LDB2: variants seen among roughly 807,000 people sequenced by gnomAD.
LDB2 encodes LIM domain-binding protein 2.
A neutral mutation model predicts 44.3 loss-of-function variants in LDB2; 12 were observed. That is an observed-to-expected ratio of 0.27 (90% CI 0.17 to 0.44). LDB2 has a LOEUF of 0.44. Among genes scored for constraint, LDB2 ranks in the 20% least tolerant of loss-of-function variants. The pLI, the probability that LDB2 is intolerant of heterozygous loss-of-function variation, is 1.00. For synonymous variants in LDB2, 164 were observed against 174.8 expected, an observed-to-expected ratio of 0.94 and a Z score of 0.49; for missense variants, 344 against 473.5, an observed-to-expected ratio of 0.73 and a Z score of 2.54.
intron 1 of LDB2, among the ~76,000 whole-genome samples, chr4:16,852,335 C>T (rs1788438820): frequency 6.6e-6 from 1 of 152,164 alleles, no homozygotes; most frequent in South Asian, 2.1e-4. Flanking sequence ...GTGTAAATCA[C>T]ACAGCGTCAG....
At chr4:16,524,155 A>T (rs1727318430) in intron 5 of LDB2, among the ~76,000 whole-genome samples, 1 of 152,218 alleles carries the variant, frequency 6.6e-6, no homozygotes, top group African/African-American at 2.4e-5. Flanking sequence ...AACCTGGGGC[A>T]CATTATTCAA....
chr4:16,649,282 G>T (rs1737616690), intron 2 of LDB2, among the ~76,000 whole-genome samples: 1 of 152,194 alleles, frequency 6.6e-6, no homozygotes. Context: ...ATGATGATGT[G>T]CATATGTTTG....
intron 5 of LDB2, among the ~76,000 whole-genome samples, chr4:16,562,519 C>T (rs1742773203): frequency 2.0e-5 from 3 of 152,174 alleles, no homozygotes; most frequent in South Asian, 2.1e-4. Context: ...CAATGAGATA[C>T]CATCTCACAC....
chr4:16,505,452 T>G (rs1258926653), intron 7 of LDB2, among the ~76,000 whole-genome samples: 1 of 152,096 alleles, frequency 6.6e-6, no homozygotes, highest in East Asian at 1.9e-4. Flanking sequence ...TAAGGCCACT[T>G]AAAAATTTAT....
chr4:16,598,595 T>C (rs1448417859), intron 2 of LDB2, among the ~76,000 whole-genome samples: 2 of 152,110 alleles, frequency 1.3e-5, no homozygotes, highest in Admixed American at 1.3e-4. Context: ...TGTTGAGGTG[T>C]TTTTTTAATG....
intron 5 of LDB2, among the ~76,000 whole-genome samples, chr4:16,542,103 G>GT (rs952122596): frequency 4.1e-5 from 6 of 145,068 alleles, no homozygotes; most frequent in Non-Finnish European, 7.5e-5. Flanking sequence ...TCAGGTGGTG[G>GT]GGGGGGGGGC....
At position 16,775,677 on chromosome 4, in the gene LDB2, C is replaced by G. The variant is rs2109391997; in HGVS notation, c.133-16417G>C. Among the ~76,000 whole-genome samples the G allele has an allele frequency of 2.0e-5, 3 of 152,286 alleles. 1 individual carries two copies. The Middle Eastern group carries it at 0.01, about 518-fold the overall frequency. On this transcript the variant is annotated intron_variant, in intron 1 of 7. Coordinates refer to ENST00000304523, the MANE Select transcript of LDB2 (RefSeq NM_001290.5). ...ACAGTTGACAAAGCACGGACACTCACAGTATCAGTGCCTCTTTGTTGGATT... is the reference window on the plus strand; with the variant it reads ...ACAGTTGACAAAGCACGGACACTCAGAGTATCAGTGCCTCTTTGTTGGATT...
chr4:16,898,608 C>T lies in LDB2; in HGVS notation c.-123G>A. 1.4e-6 allele frequency: 1 copy of T among 740,042 alleles called. No individual in the cohort carries two copies. The allele number at this position is 740,042 out of a possible 1,614,324, so 45.8% of individuals were successfully genotyped here. A position where few individuals can be genotyped will look rare whatever the true frequency, so the allele number is the denominator to read the frequency against. On this transcript the variant is annotated 5_prime_UTR_variant, in exon 1 of 8. Transcript: ENST00000304523. The stretch of plus-strand genomic sequence containing the variant: ...ACACACGCTCACACACACACAGAGG[C>T]AGGCAGGCAGGCAGGCTGAACACGC...
intron 1 of LDB2, among the ~76,000 whole-genome samples, chr4:16,879,373 T>G (rs566770047): frequency 6.6e-6 from 1 of 152,204 alleles, no homozygotes; most frequent in African/African-American, 2.4e-5. Flanking sequence ...TCTCTGGGTA[T>G]GTCTGTGAAG....
intron 1 of LDB2, among the ~76,000 whole-genome samples, chr4:16,874,717 A>T (rs1051764630): frequency 6.6e-6 from 1 of 152,208 alleles, no homozygotes; most frequent in South Asian, 2.1e-4. Flanking sequence ...GAAGAATGCC[A>T]TCTCACCAAC....
At chr4:16,580,523 C>T (rs1713958816) in intron 5 of LDB2, among the ~76,000 whole-genome samples, 1 of 152,098 alleles carries the variant, frequency 6.6e-6, no homozygotes, top group Non-Finnish European at 1.5e-5. Context: ...AGAGAATGTG[C>T]CTTAGGCATT....
chr4:16,623,232 A>G lies in LDB2; in HGVS notation c.236-27357T>C, dbSNP rs117056652. On this transcript the variant is annotated intron_variant, in intron 2 of 7. Transcript: ENST00000304523. ...AGCTAGAGGAGAAAAAAGAACATAT[A>G]CAGTAAACAAAAAAGACAAAATGTT... is the stretch of plus-strand genomic sequence containing the variant. Among the ~76,000 whole-genome samples the G allele has an allele frequency of 8.8e-4, 134 of 152,330 alleles. No homozygotes were observed. The East Asian group carries it at 0.023, about 26-fold the overall frequency.
At chr4:16,875,467 GA>G (rs1212996853) in intron 1 of LDB2, among the ~76,000 whole-genome samples, 1 of 151,786 alleles carries the variant, frequency 6.6e-6, no homozygotes, top group Non-Finnish European at 1.5e-5. Context: ...TCATGGAGAA[GA>G]AAAAAGAAAA....
chr4:16,527,984 G>A (rs1256506621), intron 5 of LDB2, among the ~76,000 whole-genome samples: 1 of 139,016 alleles, frequency 7.2e-6, no homozygotes, highest in Admixed American at 7.3e-5. Context: ...AAACTGTGGT[G>A]TATATATATA....
intron 1 of LDB2, among the ~76,000 whole-genome samples, chr4:16,873,438 G>T (rs928933217): frequency 1.3e-5 from 2 of 152,106 alleles, no homozygotes; most frequent in Non-Finnish European, 2.9e-5. Context: ...AGAGAACCTG[G>T]CATTCGGCCT....
At chr4:16,556,731 T>C (rs1031747481) in intron 5 of LDB2, among the ~76,000 whole-genome samples, 4 of 152,194 alleles carry the variant, frequency 2.6e-5, no homozygotes, top group African/African-American at 9.6e-5. Flanking sequence ...TAAATAAATA[T>C]AACAACAGAA....
At position 16,582,759 on chromosome 4, in the gene LDB2, A is replaced by C. The variant is rs1167974557; in HGVS notation, c.615+3163T>G. Among the ~76,000 whole-genome samples, 3 of 152,150 alleles carry C rather than the reference A, an allele frequency of 2.0e-5. No individual in the cohort carries two copies. The highest frequency in any genetic ancestry group is 7.2e-5 in the African/African-American group (3 of 41,442). ...CAGCCTGTAGAGGAAGTGAGACCGC[A>C]CTGTGACAGGGCGCCATCTCTGCAG... On this transcript the variant is annotated intron_variant, in intron 5 of 7. Transcript: ENST00000304523. This position sits in a 1 kb window ranked among gnomAD's most constrained non-coding sequence, Gnocchi z 4.8.
intron 2 of LDB2, among the ~76,000 whole-genome samples, chr4:16,665,584 T>G (rs1010683530): frequency 6.6e-6 from 1 of 152,176 alleles, no homozygotes; most frequent in Admixed American, 6.5e-5. Context: ...ATATTCTAGT[T>G]ACTAAATTGA....
At chr4:16,609,998 A>G (rs1339391957) in intron 2 of LDB2, among the ~76,000 whole-genome samples, 1 of 152,144 alleles carries the variant, frequency 6.6e-6, no homozygotes, top group Non-Finnish European at 1.5e-5. Flanking sequence ...AAGAAGGAGC[A>G]GACACCCATC....
Sources: gnomAD v4.1 joint callset for allele counts (sites outside exome capture counted in the v4.1 genomes callset) on GRCh38, gnomAD v4.1.1 for gene constraint, Gnocchi (gnomAD v3.1) non-coding constraint, MANE v1.5 for transcripts, NCBI Gene and HGNC (gene_info 2026-07-23, HGNC 2026-07-21) for gene names.